The following PDE11A variants were observed in gnomAD, a reference collection of about 807,000 sequenced individuals.
PDE11A encodes the protein dual 3',5'-cyclic-AMP and -GMP phosphodiesterase 11A.
In PDE11A, 100 loss-of-function variants were observed where a neutral mutation model predicts 100.5. That is an observed-to-expected ratio of 1.00 (90% CI 0.85 to 1.18). The LOEUF is 1.18. Among genes scored for constraint, PDE11A ranks in the 50% most tolerant of loss-of-function variants. PDE11A has a pLI of 0.00. For synonymous variants in PDE11A, 381 were observed against 420.8 expected, an observed-to-expected ratio of 0.91 and a Z score of 1.16; for missense variants, 1,141 against 1,152.6, an observed-to-expected ratio of 0.99 and a Z score of 0.15.
At chr2:177,945,030 C>T (rs1373901075) in intron 2 of PDE11A, among the ~76,000 whole-genome samples, 2 of 148,456 alleles carry the variant, frequency 1.3e-5, no homozygotes, top group Admixed American at 6.7e-5. Context: ...CTGTGTTGGC[C>T]CGGCCGGTCT....
intron 2 of PDE11A, among the ~76,000 whole-genome samples, chr2:177,968,542 T>G (rs964837654): frequency 1.3e-5 from 2 of 152,162 alleles, no homozygotes; most frequent in Non-Finnish European, 2.9e-5. Context: ...CAATTCCAAA[T>G]AAACCCAAGC....
At chr2:177,863,442 G>T (rs970172561) in intron 5 of PDE11A, among the ~76,000 whole-genome samples, 10 of 151,974 alleles carry the variant, frequency 6.6e-5, no homozygotes, top group South Asian at 2.1e-4. Flanking sequence ...CTGACAAGGG[G>T]TTAACCATTC....
At chr2:177,713,995 T>C (rs958499266) in intron 12 of PDE11A, among the ~76,000 whole-genome samples, 2 of 117,844 alleles carry the variant, frequency 1.7e-5, no homozygotes, top group African/African-American at 6.3e-5. Flanking sequence ...TTCTTTTTTT[T>C]TTTTTTTTTT....
intron 5 of PDE11A, among the ~76,000 whole-genome samples, chr2:177,863,647 C>T (rs144905223): frequency 2.6e-5 from 4 of 152,108 alleles, no homozygotes; most frequent in African/African-American, 9.6e-5. Context: ...TGAGATACAC[C>T]TCATACCCAT....
intron 19 of PDE11A, among the ~76,000 whole-genome samples, chr2:177,632,244 C>T (rs1243198772): frequency 6.6e-6 from 1 of 152,204 alleles, no homozygotes; most frequent in Non-Finnish European, 1.5e-5. Flanking sequence ...TTTGTCAATG[C>T]ACAATTCCAA....
At chr2:177,945,507 C>T (rs1485908436) in intron 2 of PDE11A, among the ~76,000 whole-genome samples, 5 of 148,150 alleles carry the variant, frequency 3.4e-5, no homozygotes, top group East Asian at 2.0e-4. Context: ...TCTGCCCGGC[C>T]GAGACCCCGT....
chr2:177,665,856 CAAA>C (rs3056853), intron 18 of PDE11A, among the ~76,000 whole-genome samples: 106,781 of 137,156 alleles, frequency 0.78, 42,124 homozygotes, highest in East Asian at 0.97. Context: ...GACTCCATCT[CAAA>C]AAAAAAAAAA....
At chr2:177,694,634 G>A (rs577756223) in intron 15 of PDE11A, among the ~76,000 whole-genome samples, 1 of 152,276 alleles carries the variant, frequency 6.6e-6, no homozygotes, top group African/African-American at 2.4e-5. Context: ...TAGTGGCAGA[G>A]CTGGGATTTT....
chr2:177,852,063 A>G (rs895756753), intron 5 of PDE11A, among the ~76,000 whole-genome samples: 13 of 152,192 alleles, frequency 8.5e-5, no homozygotes, highest in African/African-American at 2.6e-4. Context: ...AGAGTTCCCT[A>G]TGTATATACC....
intron 9 of PDE11A, among the ~76,000 whole-genome samples, chr2:177,798,787 C>T (rs1220415664): frequency 1.3e-5 from 2 of 152,102 alleles, no homozygotes; most frequent in Non-Finnish European, 2.9e-5. Flanking sequence ...ATATCCCATA[C>T]AAAAGAATTC....
chr2:177,713,987 CTTTTTTTTTTTTT>C (rs57211363), intron 12 of PDE11A, among the ~76,000 whole-genome samples: 3 of 77,370 alleles, frequency 3.9e-5, no homozygotes, highest in Admixed American at 4.5e-4. Context: ...TTTCTTTTTT[CTTTTTTTTTTTTT>C]TTTTTTTTTT....
At chr2:177,781,317 T>C (rs904164779) in intron 9 of PDE11A, among the ~76,000 whole-genome samples, 3 of 152,150 alleles carry the variant, frequency 2.0e-5, no homozygotes, top group African/African-American at 7.2e-5. Flanking sequence ...ATAGTAACAT[T>C]AAAAATCACT....
chr2:178,010,033 A>G lies in PDE11A; in HGVS notation c.1071+4269T>C, dbSNP rs1215379891. 3.3e-5 allele frequency among the ~76,000 whole-genome samples: 5 copies of G among 152,342 alleles called. No homozygotes were observed. The East Asian group carries it at 7.7e-4, about 24-fold the overall frequency. Reference sequence around the variant, plus strand: ...AATTACTTTAGTCTGGCTTTGAAATATATGGTGAACTTTCATAAGGCTCAT... The same window carrying G: ...AATTACTTTAGTCTGGCTTTGAAATGTATGGTGAACTTTCATAAGGCTCAT... On this transcript the variant is annotated intron_variant, in intron 2 of 19. Transcript: ENST00000286063.
At chr2:177,634,884 T>G (rs2080015614) in intron 19 of PDE11A, among the ~76,000 whole-genome samples, 1 of 152,132 alleles carries the variant, frequency 6.6e-6, no homozygotes, top group Non-Finnish European at 1.5e-5. Context: ...ACGGGATGGG[T>G]TCTGTGAGAA....
chr2:177,885,281 A>G (rs928253349), intron 4 of PDE11A, among the ~76,000 whole-genome samples: 1 of 151,852 alleles, frequency 6.6e-6, no homozygotes, highest in Non-Finnish European at 1.5e-5. Flanking sequence ...CTCTTTATCC[A>G]TGGGTTCTGC....
intron 10 of PDE11A, among the ~76,000 whole-genome samples, chr2:177,738,379 C>G (rs1311959859): frequency 6.6e-6 from 1 of 152,030 alleles, no homozygotes; most frequent in Non-Finnish European, 1.5e-5. Context: ...GTCTTAGTAG[C>G]AGGAAAGTGA....
At chr2:177,753,888 C>T (rs2082056214) in intron 10 of PDE11A, among the ~76,000 whole-genome samples, 1 of 151,792 alleles carries the variant, frequency 6.6e-6, no homozygotes, top group Admixed American at 6.6e-5. Flanking sequence ...GAAAGCATTG[C>T]TTCATCTGAT....
At position 177,801,011 on chromosome 2, in the gene PDE11A, T is replaced by C. The variant is rs554199408; in HGVS notation, c.1737+15818A>G. On this transcript the variant is annotated intron_variant, in intron 9 of 19. Coordinates refer to ENST00000286063, the MANE Select transcript of PDE11A (RefSeq NM_016953.4). ...TTTAATACATCTGATAATTGTTTCA[T>C]GCATGCAACCTTTTAGAAATCTTAT... Among the ~76,000 whole-genome samples the C allele has an allele frequency of 2.0e-5, 3 of 152,354 alleles. No homozygotes were observed. The East Asian group carries it at 5.8e-4, about 29-fold the overall frequency.
At position 177,628,440 on chromosome 2, in the gene PDE11A, C is replaced by T. The variant is rs1467273051; in HGVS notation, c.*967G>A. The stretch of plus-strand genomic sequence containing the variant: ...GACTGTTATTTCTTAACATTTGAAG[C>T]ATTGTTTCTTACACTTAAGGAAAAA... On this transcript the variant is annotated 3_prime_UTR_variant, in exon 20 of 20. Coordinates refer to ENST00000286063, the MANE Select transcript of PDE11A (RefSeq NM_016953.4). 2 of 152,614 alleles carry T rather than the reference C, an allele frequency of 1.3e-5. No individual in the cohort carries two copies. Among genetic ancestry groups the T allele is most frequent in the African/African-American group, 4.8e-5 (2 of 41,444 alleles). 9.5% of individuals were successfully genotyped at this position (152,614 alleles called of 1,614,324 possible).
Sources: allele counts gnomAD v4.1 joint callset (sites outside exome capture counted in the v4.1 genomes callset), GRCh38; gene constraint gnomAD v4.1.1; transcripts MANE v1.5; gene names NCBI Gene and HGNC (gene_info 2026-07-23, HGNC 2026-07-21).